Variants in PDE11A observed in about 807,000 individuals in gnomAD.
The protein encoded by PDE11A is dual 3',5'-cyclic-AMP and -GMP phosphodiesterase 11A.
A neutral mutation model predicts 100.5 loss-of-function variants in PDE11A; 100 were observed. That is an observed-to-expected ratio of 1.00 (90% CI 0.85 to 1.18). The LOEUF (loss-of-function observed/expected upper bound fraction) is 1.18, where lower values mean the gene tolerates loss of function less well. Among genes scored for constraint, PDE11A ranks in the 50% most tolerant of loss-of-function variants. PDE11A has a pLI of 0.00. For synonymous variants in PDE11A, 381 were observed against 420.8 expected (o/e 0.91, Z 1.16); for missense variants, 1,141 against 1,152.6 (o/e 0.99, Z 0.15).
chr2:177,658,146 C>T (rs912285227), intron 19 of PDE11A, among the ~76,000 whole-genome samples: 3 of 152,178 alleles, frequency 2.0e-5, no homozygotes, highest in African/African-American at 7.2e-5. Context: ...CCCAGAAAGA[C>T]CCAACAGGCA....
intron 18 of PDE11A, among the ~76,000 whole-genome samples, chr2:177,664,535 C>A (rs1009139727): frequency 3.3e-5 from 5 of 152,074 alleles, no homozygotes; most frequent in African/African-American, 4.8e-5. Flanking sequence ...CTCTTCATTC[C>A]CAGCCCTTAA....
At chr2:177,996,468 CATAT>C (rs36051210) in intron 2 of PDE11A, among the ~76,000 whole-genome samples, 98 of 145,764 alleles carry the variant, frequency 6.7e-4, no homozygotes, top group Middle Eastern at 3.7e-3. Context: ...TACATATATA[CATAT>C]ATATATATAT....
intron 2 of PDE11A, among the ~76,000 whole-genome samples, chr2:178,091,857 C>T (rs2087427891): frequency 1.3e-5 from 2 of 152,130 alleles, no homozygotes; most frequent in African/African-American, 4.8e-5. Flanking sequence ...TGCTATCCTT[C>T]CCTGCAAATT....
At chr2:177,875,651 G>A (rs990275872) in intron 5 of PDE11A, among the ~76,000 whole-genome samples, 1 of 152,072 alleles carries the variant, frequency 6.6e-6, no homozygotes, top group African/African-American at 2.4e-5. Context: ...AAAGTGCTGG[G>A]ATTACAGGCT....
Position 177,624,113 on chromosome 2 carries a change from T to G in PDE11A, c.*5294A>C, listed in dbSNP as rs2079799528. On this transcript the variant is annotated 3_prime_UTR_variant, in exon 20 of 20. Coordinates refer to ENST00000286063, the MANE Select transcript of PDE11A (RefSeq NM_016953.4). Reference sequence around the variant, plus strand: ...GATACATTTGAGTTTTGGGAGTTCTTTACAGCATGTAGCAGAATAACAATT... The same window carrying G: ...GATACATTTGAGTTTTGGGAGTTCTGTACAGCATGTAGCAGAATAACAATT... The G allele has an allele frequency of 6.6e-6, 1 of 152,230 alleles. No individual in the cohort carries two copies. Among genetic ancestry groups the G allele is most frequent in the Non-Finnish European group, 1.5e-5 (1 of 68,040 alleles). 9.4% of individuals were successfully genotyped at this position (152,230 alleles called of 1,614,324 possible).
chr2:177,822,136 T>C (rs1162409832), intron 6 of PDE11A, among the ~76,000 whole-genome samples: 1 of 151,946 alleles, frequency 6.6e-6, no homozygotes, highest in Non-Finnish European at 1.5e-5. Context: ...CAGTATTTTT[T>C]TGGTTTTGTT....
At chr2:177,783,412 T>G (rs918109955) in intron 9 of PDE11A, among the ~76,000 whole-genome samples, 2 of 70,634 alleles carry the variant, frequency 2.8e-5, no homozygotes, top group African/African-American at 1.3e-4. Flanking sequence ...TTTGAGGTGG[T>G]TTTTTTCCCC....
chr2:177,862,997 G>A (rs1255862309), intron 5 of PDE11A, among the ~76,000 whole-genome samples: 2 of 151,916 alleles, frequency 1.3e-5, no homozygotes, highest in East Asian at 3.9e-4. Context: ...CAAGCCAGTG[G>A]AACAGAATAT....
At chr2:178,006,507 G>A (rs200601414) in intron 2 of PDE11A, among the ~76,000 whole-genome samples, 1 of 152,010 alleles carries the variant, frequency 6.6e-6, no homozygotes, top group African/African-American at 2.4e-5. Context: ...TCAAGAAGAG[G>A]AAAAGACCAC....
At chr2:177,851,150 C>T (rs1240978603) in intron 5 of PDE11A, among the ~76,000 whole-genome samples, 59 of 152,044 alleles carry the variant, frequency 3.9e-4, no homozygotes, top group African/African-American at 1.1e-3. Context: ...TGTCCAACAA[C>T]GATAGACTGG....
Position 177,763,235 on chromosome 2 carries a change from T to TA in PDE11A, c.1788+6087dup, listed in dbSNP as rs983925711. Among the ~76,000 whole-genome samples, 576 of 147,468 alleles carry TA rather than the reference T, an allele frequency of 3.9e-3. 2 individuals carry two copies. The highest frequency in any genetic ancestry group is 0.014 in the Middle Eastern group (4 of 288). On this transcript the variant is annotated intron_variant, in intron 10 of 19. Coordinates refer to ENST00000286063, the MANE Select transcript of PDE11A (RefSeq NM_016953.4). Reference sequence around the variant, plus strand: ...AAGGTTCAATAACTTTCTCTGACGATAAAAAAAAAACTCGGATATTAAACT... The same window carrying TA: ...AAGGTTCAATAACTTTCTCTGACGATAAAAAAAAAAACTCGGATATTAAACT...
intron 2 of PDE11A, among the ~76,000 whole-genome samples, chr2:177,994,254 T>C (rs537297789): frequency 4.6e-5 from 7 of 152,254 alleles, no homozygotes; most frequent in African/African-American, 1.4e-4. Context: ...TTTGATGTTA[T>C]CTTAATGATT....
intron 4 of PDE11A, among the ~76,000 whole-genome samples, chr2:177,886,129 G>A (rs186478316): frequency 1.1e-4 from 17 of 152,282 alleles, no homozygotes; most frequent in Non-Finnish European, 1.9e-4. Context: ...AGAACTAAGA[G>A]AAGTGATAGG....
rs533043428 is a variant in PDE11A at position 177,735,789 on chromosome 2, G to A, written c.1789-7617C>T. 1.1e-4 allele frequency among the ~76,000 whole-genome samples: 16 copies of A among 152,308 alleles called. No homozygotes were observed. The South Asian group carries it at 2.1e-3, about 20-fold the overall frequency. On this transcript the variant is annotated intron_variant, in intron 10 of 19. Coordinates refer to ENST00000286063, the MANE Select transcript of PDE11A (RefSeq NM_016953.4). ...AGTGGCCTTGGACCACAGTGCAGGC[G>A]CCTGGTTTGCCTGTGACTCCAGGAC... is the stretch of plus-strand genomic sequence containing the variant.
chr2:177,953,218 A>G (rs2085524581), intron 2 of PDE11A: 1 of 152,184 alleles, frequency 6.6e-6, no homozygotes, highest in Non-Finnish European at 1.5e-5. Context: ...AAAAATTCCA[A>G]GAATGATGCT....
intron 2 of PDE11A, among the ~76,000 whole-genome samples, chr2:178,008,763 A>G (rs2086241864): frequency 1.3e-5 from 2 of 152,180 alleles, no homozygotes; most frequent in East Asian, 3.9e-4. Flanking sequence ...CAGCATCATC[A>G]GTAACAAGCT....
At position 177,951,095 on chromosome 2, in the gene PDE11A, G is replaced by A. The variant is rs921732224; in HGVS notation, c.1072-45908C>T. On this transcript the variant is annotated intron_variant, in intron 2 of 19. Transcript: ENST00000286063. The stretch of plus-strand genomic sequence containing the variant: ...AACTTTCCTGTTGTGAATCTTTTAT[G>A]TTAGATAGAAATGTTCCTCTGAGCT... 3.9e-5 allele frequency among the ~76,000 whole-genome samples: 6 copies of A among 152,262 alleles called. No individual in the cohort carries two copies. The Middle Eastern group carries it at 0.01, about 259-fold the overall frequency.
At chr2:177,844,338 A>C (rs2083543564) in intron 5 of PDE11A, among the ~76,000 whole-genome samples, 3 of 152,004 alleles carry the variant, frequency 2.0e-5, no homozygotes, top group Non-Finnish European at 4.4e-5. Context: ...TCTTTTATAA[A>C]GGCACTGATT....
At chr2:177,883,297 A>G (rs74267467) in intron 4 of PDE11A, among the ~76,000 whole-genome samples, 3,408 of 152,070 alleles carry the variant, frequency 0.022, 62 homozygotes, top group East Asian at 0.075. Context: ...AGAATGAATT[A>G]AACAATCATC....
Sources: allele counts gnomAD v4.1 joint callset (sites outside exome capture counted in the v4.1 genomes callset), GRCh38; gene constraint gnomAD v4.1.1; transcripts MANE v1.5; gene names NCBI Gene and HGNC (gene_info 2026-07-23, HGNC 2026-07-21).